The following PANK3 variants were observed in gnomAD, a reference collection of about 807,000 sequenced individuals.
PANK3 encodes the protein pantothenate kinase 3.
A neutral mutation model predicts 39.4 loss-of-function variants in PANK3; 20 were observed. The observed-to-expected ratio is 0.51, with a 90% CI of 0.36 to 0.74. The LOEUF (loss-of-function observed/expected upper bound fraction) is 0.74, where lower values mean the gene tolerates loss of function less well. Ranked by LOEUF, PANK3 falls within the 30% of genes least tolerant of loss-of-function variation. The probability of loss-of-function intolerance (pLI) is 0.00; values close to 1 mark genes in which losing one functional copy is unlikely to be tolerated. For missense variants in PANK3, 265 were observed against 437.0 expected (o/e 0.61, Z 3.51); for synonymous variants, 140 against 157.3 (o/e 0.89, Z 0.82).
chr5:168,573,003 CG>C (rs1017330790), intron 1 of PANK3, among the ~76,000 whole-genome samples: 27 of 152,080 alleles, frequency 1.8e-4, no homozygotes, highest in African/African-American at 6.5e-4. Flanking sequence ...GGCCTGGATA[CG>C]GTTTTGGATG....
At chr5:168,576,966 G>A (rs1056294103) in intron 1 of PANK3, among the ~76,000 whole-genome samples, 4 of 151,782 alleles carry the variant, frequency 2.6e-5, no homozygotes, top group South Asian at 4.2e-4. Context: ...TGTAACCTCC[G>A]CCTCCTGGGT....
chr5:168,568,819 G>T lies in PANK3; in HGVS notation c.208C>A (p.Leu70Met). The change falls in exon 2 of 7, where the codon CTG becomes ATG. Residue 70 changes from leucine to methionine, a missense_variant. Leu to Met is a conservative substitution (Grantham distance 15). Coordinates refer to ENST00000239231, the MANE Select transcript of PANK3 (RefSeq NM_024594.4). The stretch of plus-strand genomic sequence containing the variant: ...CGGCCAAAAAGTGTTAAATCTTTCA[G>T]TTCAAGGTGTACATCCCGAATGCCG... ...STGIRDVHLE[L>M]KDLTLFGRRG... 5.0e-6 allele frequency: 8 copies of T among 1,613,930 alleles called. No homozygotes were observed. The highest frequency in any genetic ancestry group is 6.8e-6 in the Non-Finnish European group (8 of 1,179,994).
chr5:168,550,506 A>T lies in PANK3; in HGVS notation c.*7065T>A, dbSNP rs1473225510. On this transcript the variant is annotated 3_prime_UTR_variant, in exon 7 of 7. Transcript: ENST00000239231. The stretch of plus-strand genomic sequence containing the variant: ...ATTCCAGATAACCTTTACAGATTTA[A>T]AAGTACAAACATTTTAATATACATA... 1 of 152,222 alleles carries T rather than the reference A, an allele frequency of 6.6e-6. No homozygotes were observed. Among genetic ancestry groups the T allele is most frequent in the African/African-American group, 2.4e-5 (1 of 41,458 alleles). 9.4% of individuals were successfully genotyped at this position (152,222 alleles called of 1,614,324 possible).
chr5:168,575,841 T>C (rs1759723682), intron 1 of PANK3, among the ~76,000 whole-genome samples: 1 of 152,094 alleles, frequency 6.6e-6, no homozygotes, highest in Non-Finnish European at 1.5e-5. Context: ...ACTAAATCAG[T>C]ACTTAATTGT....
At chr5:168,578,132 A>G (rs1297379386) in intron 1 of PANK3, among the ~76,000 whole-genome samples, 1 of 152,240 alleles carries the variant, frequency 6.6e-6, no homozygotes, top group Non-Finnish European at 1.5e-5. Context: ...CAGTCCCCTT[A>G]GAGTTATGAA....
chr5:168,568,939 G>T lies in PANK3; in HGVS notation c.88C>A (p.Pro30Thr), dbSNP rs1316562266. 1.3e-6 allele frequency: 2 copies of T among 1,599,684 alleles called. No individual in the cohort carries two copies. The highest frequency in any genetic ancestry group is 1.7e-6 in the Non-Finnish European group (2 of 1,175,080). The change falls in exon 2 of 7, where the codon CCT (proline) becomes ACT (threonine). Residue 30 changes from proline (P) to threonine (T), a missense_variant. Pro to Thr is a conservative substitution (Grantham distance 38). Coordinates refer to ENST00000239231, the MANE Select transcript of PANK3 (RefSeq NM_024594.4). ...TCTTCCTCTGCTGTGATATCAATAG[G>T]TTCAAAGTACGAGAGCTTTACTAGA... ...GTLVKLSYFEPIDITAEEEQE... is the reference protein window; with the variant it reads ...GTLVKLSYFETIDITAEEEQE...
intron 1 of PANK3, among the ~76,000 whole-genome samples, chr5:168,572,895 T>C (rs1017149378): frequency 1.3e-5 from 2 of 152,116 alleles, no homozygotes; most frequent in African/African-American, 4.8e-5. Context: ...CGTGGGAACC[T>C]AGTGTGGGAG....
chr5:168,564,120 T>C (rs1020923033), intron 3 of PANK3, 55 bp from the exon 4 acceptor site: 31 of 1,417,596 alleles, frequency 2.2e-5, no homozygotes, highest in Non-Finnish European at 3.8e-6. Flanking sequence ...ATTCTTTCTC[T>C]AAAGTAAAAG....
At chr5:168,579,154 G>C in intron 1 of PANK3, 102 bp downstream of exon 1, 1 of 1,103,884 alleles carries the variant, frequency 9.1e-7, no homozygotes, top group Non-Finnish European at 1.2e-6. Context: ...CGAAGCGCCG[G>C]CGAGGAGCGA....
chr5:168,579,225 C>A, intron 1 of PANK3, 31 bp downstream of exon 1: 1 of 1,486,106 alleles, frequency 6.7e-7, no homozygotes, highest in Non-Finnish European at 9.0e-7. Context: ...GGGTGCCCTC[C>A]CAACCTGGCG....
At chr5:168,564,143 A>G (rs1759487254) in intron 3 of PANK3, 78 bp from the exon 4 acceptor site, 9 of 1,206,564 alleles carry the variant, frequency 7.5e-6, no homozygotes, top group Non-Finnish European at 1.0e-5. Flanking sequence ...TGGATCATTC[A>G]TGTATTCAAT....
chr5:168,555,731 A>G lies in PANK3; in HGVS notation c.*1840T>C, dbSNP rs1759339529. ...ATGGGTAGTGGCTACTGCACTGGACATCGAAGTTCTAGAACTCTCTCTTAC... is the reference window on the plus strand; with the variant it reads ...ATGGGTAGTGGCTACTGCACTGGACGTCGAAGTTCTAGAACTCTCTCTTAC... On this transcript the variant is annotated 3_prime_UTR_variant, in exon 7 of 7. Coordinates refer to ENST00000239231, the MANE Select transcript of PANK3 (RefSeq NM_024594.4). 6.6e-6 allele frequency: 1 copy of G among 152,244 alleles called. No homozygotes were observed. Among genetic ancestry groups the G allele is most frequent in the Non-Finnish European group, 1.5e-5 (1 of 68,036 alleles). 9.4% of individuals were successfully genotyped at this position (152,244 alleles called of 1,614,324 possible).
chr5:168,567,420 TTCA>T (rs1190062442), intron 2 of PANK3, among the ~76,000 whole-genome samples: 1 of 152,120 alleles, frequency 6.6e-6, no homozygotes, highest in Non-Finnish European at 1.5e-5. Context: ...AATGATTACA[TTCA>T]TCATTTCAGG....
chr5:168,563,788 G>A, intron 4 of PANK3, 101 bp downstream of exon 4: 1 of 1,070,730 alleles, frequency 9.3e-7, no homozygotes, highest in Non-Finnish European at 1.3e-6. Flanking sequence ...CTGGATAAGA[G>A]AAAGCACCCT....
At chr5:168,565,868 A>AAAAAATATATGTATAT in intron 3 of PANK3, 145 bp downstream of exon 3, 1 of 131,394 alleles carries the variant, frequency 7.6e-6, no homozygotes, top group East Asian at 3.8e-4. Flanking sequence ...AAAAAAAAAA[A>AAAAAATATATGTATAT]ATATATATAT....
At chr5:168,571,487 T>C (rs1342493408) in intron 1 of PANK3, among the ~76,000 whole-genome samples, 2 of 152,312 alleles carry the variant, frequency 1.3e-5, no homozygotes, top group African/African-American at 4.8e-5. Flanking sequence ...CAAGATTCCA[T>C]CCTAAAAATA....
intron 1 of PANK3, 142 bp downstream of exon 1, chr5:168,579,114 C>T: frequency 3.1e-6 from 2 of 650,642 alleles, no homozygotes; most frequent in South Asian, 2.9e-5. Context: ...GAACTCGTGG[C>T]TCAAATGGTC....
intron 5 of PANK3, among the ~76,000 whole-genome samples, chr5:168,559,763 C>A (rs1281233760): frequency 6.6e-6 from 1 of 152,004 alleles, no homozygotes. Context: ...GCAAACTTGG[C>A]CCACACATTG....
At chr5:168,562,908 G>A (rs1450796391) in intron 4 of PANK3, among the ~76,000 whole-genome samples, 2 of 152,046 alleles carry the variant, frequency 1.3e-5, no homozygotes, top group Non-Finnish European at 2.9e-5. Context: ...CTATAAAGCT[G>A]AAAGTATAAT....
Sources: gnomAD v4.1 joint callset for allele counts (sites outside exome capture counted in the v4.1 genomes callset) on GRCh38, gnomAD v4.1.1 for gene constraint, MANE v1.5 for transcripts, NCBI Gene and HGNC (gene_info 2026-07-23, HGNC 2026-07-21) for gene names.